NOL4L: variants seen among roughly 807,000 people sequenced by gnomAD.
NOL4L encodes the protein nucleolar protein 4 like.
Under a neutral mutation model 64.5 loss-of-function variants are expected in NOL4L, and 7 were observed. That is an observed-to-expected ratio of 0.11 (90% CI 0.06 to 0.20). The LOEUF (loss-of-function observed/expected upper bound fraction) is 0.20. Among genes scored for constraint, NOL4L ranks in the 10% least tolerant of loss-of-function variants. The pLI is 1.00. For missense variants in NOL4L, 680 were observed against 967.1 expected (o/e 0.70, Z 3.94); for synonymous variants, 413 against 401.0 (o/e 1.03, Z -0.36).
Position 32,584,915 on chromosome 20 carries a change from G to T in NOL4L, c.-25C>A, listed in dbSNP as rs1980790448. ...TCCTCCCGCCGCGCCCGGCGCCCTC[G>T]GGGGCGGGCCGGCCGCCGGGCCGCC... On this transcript the variant is annotated 5_prime_UTR_variant, in exon 1 of 11. Transcript: ENST00000621426. The T allele has an allele frequency of 8.4e-7, 1 of 1,188,106 alleles. No individual in the cohort carries two copies. The highest frequency in any genetic ancestry group is 4.1e-5 in the South Asian group (1 of 24,280). 73.6% of individuals were successfully genotyped at this position (1,188,106 alleles called of 1,614,324 possible). A position where few individuals can be genotyped will look rare whatever the true frequency, so the allele number is the denominator to read the frequency against.
In NOL4L at chr20:32,446,829, CTT is replaced by C; in HGVS notation, c.*765_*766del. 1 of 211,138 alleles carries C rather than the reference CTT, an allele frequency of 4.7e-6. No homozygotes were observed. The highest frequency in any genetic ancestry group is 9.6e-6 in the Non-Finnish European group (1 of 104,096). The allele number at this position is 211,138 out of a possible 1,614,324, so 13.1% of individuals were successfully genotyped here. On this transcript the variant is annotated 3_prime_UTR_variant, in exon 11 of 11. Transcript: ENST00000621426. ...GAATACAGGTGACCATGGACTGGGG[CTT>C]CTGTAGAATGGGGTCGGGGTGCCTC...
chr20:32,470,291 T>C (rs1030906067), intron 5 of NOL4L, among the ~76,000 whole-genome samples: 2 of 151,898 alleles, frequency 1.3e-5, no homozygotes, highest in Non-Finnish European at 2.9e-5. Context: ...ACGGAAGGAG[T>C]GGCCCCGCCT....
chr20:32,502,453 T>C (rs1461901550), intron 4 of NOL4L, among the ~76,000 whole-genome samples: 1 of 138,188 alleles, frequency 7.2e-6, no homozygotes, highest in Non-Finnish European at 1.6e-5. Flanking sequence ...ATTAGCTGGG[T>C]TTGGTGGCAG....
chr20:32,504,893 C>T (rs188018368), intron 4 of NOL4L, among the ~76,000 whole-genome samples: 175 of 152,290 alleles, frequency 1.1e-3, no homozygotes, highest in African/African-American at 3.8e-3. Context: ...GCCACTGCAC[C>T]GGCCACCTCT....
chr20:32,512,796 T>A (rs1235617336), intron 3 of NOL4L, among the ~76,000 whole-genome samples: 3 of 152,220 alleles, frequency 2.0e-5, no homozygotes, highest in Non-Finnish European at 1.5e-5. Flanking sequence ...TATTTTACCA[T>A]AATTTGCTTA....
At chr20:32,462,017 C>T (rs957777192) in intron 5 of NOL4L, among the ~76,000 whole-genome samples, 10 of 151,970 alleles carry the variant, frequency 6.6e-5, no homozygotes, top group African/African-American at 2.4e-4. Flanking sequence ...CCAGTCAACC[C>T]ATCACAGCAA....
chr20:32,474,898 C>T (rs1161702551), intron 4 of NOL4L, 156 bp from the exon 5 acceptor site: 2 of 985,340 alleles, frequency 2.0e-6, no homozygotes, highest in African/African-American at 1.7e-5. Context: ...GGTGGTGCTC[C>T]CCCTTGCCCG....
At chr20:32,578,138 A>AGGAAGGAGGGAGGGAGTGAG (rs1211282817) in intron 1 of NOL4L, among the ~76,000 whole-genome samples, 1 of 50,228 alleles carries the variant, frequency 2.0e-5, no homozygotes, top group African/African-American at 1.2e-4. Context: ...GAAGGAAGGA[A>AGGAAGGAGGGAGGGAGTGAG]GGAGGGAGGG....
At chr20:32,531,592 A>C (rs1187571240) in intron 1 of NOL4L, among the ~76,000 whole-genome samples, 1 of 152,112 alleles carries the variant, frequency 6.6e-6, no homozygotes, top group African/African-American at 2.4e-5. Context: ...ACCTCAGGTG[A>C]TCCATCCACC....
At chr20:32,483,259 C>G (rs1003975732) in intron 4 of NOL4L, 15 of 698,554 alleles carry the variant, frequency 2.1e-5, no homozygotes, top group South Asian at 6.3e-5. Flanking sequence ...CCCTCGCCCC[C>G]CTAACCGCAG....
chr20:32,489,323 GCTTT>G lies in NOL4L; in HGVS notation c.700-14585_700-14582del, dbSNP rs1165033988. ...GATCTGGCTTATTTTTTTCTAAATG[GCTTT>G]CTAAGTGGTGTCAATACCATCTTTT... is the stretch of plus-strand genomic sequence containing the variant. On this transcript the variant is annotated intron_variant, in intron 4 of 10. Transcript: ENST00000621426. 7.3e-5 allele frequency among the ~76,000 whole-genome samples: 11 copies of G among 151,042 alleles called. No homozygotes were observed. The East Asian group carries it at 9.8e-4, about 13-fold the overall frequency.
intron 4 of NOL4L, among the ~76,000 whole-genome samples, chr20:32,482,828 C>A (rs2015818959): frequency 6.6e-6 from 1 of 151,702 alleles, no homozygotes; most frequent in African/African-American, 2.4e-5. Context: ...TCCTCACATC[C>A]CCAAACACAG....
intron 10 of NOL4L, among the ~76,000 whole-genome samples, chr20:32,448,523 G>A (rs949276384): frequency 2.0e-5 from 3 of 152,326 alleles, no homozygotes; most frequent in East Asian, 3.9e-4. Context: ...GGAGGAAGGG[G>A]CTGGGTGTGT....
chr20:32,528,803 C>T (rs1436087007), intron 1 of NOL4L, among the ~76,000 whole-genome samples: 3 of 152,218 alleles, frequency 2.0e-5, no homozygotes, highest in Non-Finnish European at 4.4e-5. Context: ...CCCAGAGACA[C>T]TAGGCTGTCA....
At chr20:32,538,766 G>A (rs905680592) in intron 1 of NOL4L, among the ~76,000 whole-genome samples, 1 of 152,200 alleles carries the variant, frequency 6.6e-6, no homozygotes, top group Non-Finnish European at 1.5e-5. Context: ...GGGAGGCAGC[G>A]GCAGGCGGGT....
chr20:32,488,665 T>G (rs571655593), intron 4 of NOL4L, among the ~76,000 whole-genome samples: 1 of 152,336 alleles, frequency 6.6e-6, no homozygotes, highest in Admixed American at 6.5e-5. Flanking sequence ...CCTCTTCACT[T>G]GGGAATGTAA....
chr20:32,559,634 G>A (rs928499566), intron 1 of NOL4L, among the ~76,000 whole-genome samples: 3 of 152,160 alleles, frequency 2.0e-5, no homozygotes, highest in South Asian at 2.1e-4. Context: ...GTCAAATAGC[G>A]GAGCAGGGAT....
intron 1 of NOL4L, among the ~76,000 whole-genome samples, chr20:32,543,813 T>A (rs921187488): frequency 6.6e-6 from 1 of 151,478 alleles, no homozygotes; most frequent in Non-Finnish European, 1.5e-5. Context: ...AAAAAAAAGA[T>A]ACCAGGGTCA....
At chr20:32,490,657 G>C (rs1428457530) in intron 4 of NOL4L, among the ~76,000 whole-genome samples, 2 of 152,168 alleles carry the variant, frequency 1.3e-5, no homozygotes, top group Non-Finnish European at 2.9e-5. Context: ...TCTCTATTTA[G>C]ATAAATTTTC....
Sources: allele counts gnomAD v4.1 joint callset (sites outside exome capture counted in the v4.1 genomes callset), GRCh38; gene constraint gnomAD v4.1.1; transcripts MANE v1.5; gene names NCBI Gene and HGNC (gene_info 2026-07-23, HGNC 2026-07-21).